The following EWSR1 variants were observed in gnomAD, a reference collection of about 807,000 sequenced individuals.
The protein encoded by EWSR1 is RNA-binding protein EWS.
A neutral mutation model predicts 92.1 loss-of-function variants in EWSR1; 14 were observed. That is an observed-to-expected ratio of 0.15 (90% CI 0.10 to 0.24). The LOEUF (loss-of-function observed/expected upper bound fraction) is 0.24, where lower values mean the gene tolerates loss of function less well. Ranked by LOEUF, EWSR1 falls within the 10% of genes least tolerant of loss-of-function variation. The pLI, the probability that EWSR1 is intolerant of heterozygous loss-of-function variation, is 1.00. For missense variants in EWSR1, 637 were observed against 870.9 expected (o/e 0.73, Z 3.38); for synonymous variants, 303 against 292.9 (o/e 1.03, Z -0.35).
chr22:29,291,477 C>G, intron 8 of EWSR1, 85 bp from the exon 9 acceptor site: 1 of 1,355,346 alleles, frequency 7.4e-7, no homozygotes, highest in Non-Finnish European at 1.0e-6. Context: ...AGCCAGTGCC[C>G]TTCTTCCCCA....
intron 6 of EWSR1, 144 bp downstream of exon 6, chr22:29,282,701 T>A: frequency 1.7e-6 from 1 of 576,724 alleles, no homozygotes; most frequent in Non-Finnish European, 2.8e-6. Flanking sequence ...TTGGTTACAT[T>A]AAAGCCTGAG....
chr22:29,299,781 C>G lies in EWSR1; in HGVS notation c.1861C>G (p.Pro621Ala), dbSNP rs1247538568. 4 of 1,590,772 alleles carry G rather than the reference C, an allele frequency of 2.5e-6. No individual in the cohort carries two copies. Among genetic ancestry groups the G allele is most frequent in the South Asian group, 2.3e-5 (2 of 88,706 alleles). ...GGGRRGGPGG[P>A]PGPLMEQMGG... ...AGGAAGACGAGGTGGCCCTGGGGGG[C>G]CCCCTGGACCTTTGATGGAACAGAT... The change falls in exon 16 of 17, where the codon CCC (proline) becomes GCC (alanine). Residue 621 changes from proline to alanine, a missense_variant. Pro to Ala is a conservative substitution (Grantham distance 27). This residue lies in a region of EWSR1 where 363 missense variants were observed against 447.8 expected (regional missense o/e 0.81). Transcript: ENST00000397938.
At chr22:29,283,378 CAG>C (rs1422478274) in intron 6 of EWSR1, among the ~76,000 whole-genome samples, 2 of 152,068 alleles carry the variant, frequency 1.3e-5, no homozygotes, top group Non-Finnish European at 2.9e-5. Context: ...TTTTTTGAGA[CAG>C]AGTCTCACTC....
chr22:29,268,322 G>C lies in EWSR1; in HGVS notation c.-15G>C, dbSNP rs745403052. The C allele has an allele frequency of 1.9e-6, 3 of 1,613,894 alleles. No homozygotes were observed. Among genetic ancestry groups the C allele is most frequent in the Middle Eastern group, 3.3e-4 (2 of 6,084 alleles). On this transcript the variant is annotated 5_prime_UTR_variant, in exon 1 of 17. Transcript: ENST00000397938. The stretch of plus-strand genomic sequence containing the variant: ...GGGAGACGGACGTTGAGAGAACGAG[G>C]AGGAAGGAGAGAAAATGGCGTCCAC...
intron 8 of EWSR1, chr22:29,291,262 C>T (rs1051603929): frequency 2.0e-5 from 7 of 352,544 alleles, no homozygotes; most frequent in Admixed American, 1.4e-4. Context: ...TTTCACCTGA[C>T]GGGGTGGGTG....
In EWSR1 at chr22:29,300,207, T is replaced by C; in HGVS notation, c.*46T>C. ...TGCATTGACTACCAGATTTATTTTT[T>C]AAACCAGAAAATGTTTTAAATTTAT... On this transcript the variant is annotated 3_prime_UTR_variant, in exon 17 of 17. Coordinates refer to ENST00000397938, the MANE Select transcript of EWSR1 (RefSeq NM_005243.4). 2 of 1,566,662 alleles carry C rather than the reference T, an allele frequency of 1.3e-6. 1 individual carries two copies. Among genetic ancestry groups the C allele is most frequent in the East Asian group, 4.5e-5 (2 of 44,488 alleles).
Position 29,292,484 on chromosome 22 carries a change from A to C in EWSR1, c.1046-4A>C. On this transcript the variant is annotated splice_region_variant and splice_polypyrimidine_tract_variant and intron_variant, in intron 10 of 16. Transcript: ENST00000397938. ...TAATTCTCCTGTCTTGTTGTCTCTG[A>C]AAGGCCCACCTGTAGATCCAGATGA... 1 of 1,601,028 alleles carries C rather than the reference A, an allele frequency of 6.2e-7. No homozygotes were observed. Among genetic ancestry groups the C allele is most frequent in the Admixed American group, 1.7e-5 (1 of 59,922 alleles).
At chr22:29,282,757 T>C (rs1490026029) in intron 6 of EWSR1, among the ~76,000 whole-genome samples, 200 bp downstream of exon 6, 2 of 151,956 alleles carry the variant, frequency 1.3e-5, no homozygotes, top group African/African-American at 4.8e-5. Flanking sequence ...ACTATTCTTT[T>C]TTCTTTTTTT....
rs923040938 is a variant in EWSR1 at position 29,272,568 on chromosome 22, A to C, written c.102+137A>C. On this transcript the variant is annotated intron_variant, in intron 3 of 16. Coordinates refer to ENST00000397938, the MANE Select transcript of EWSR1 (RefSeq NM_005243.4). Reference sequence around the variant, plus strand: ...AAATACCCAGGCATTTTAAACTTTCACAGTGGGAGTGCGAAGGACTCCATT... The same window carrying C: ...AAATACCCAGGCATTTTAAACTTTCCCAGTGGGAGTGCGAAGGACTCCATT... 23 of 858,842 alleles carry C rather than the reference A, an allele frequency of 2.7e-5. No individual in the cohort carries two copies. The African/African-American group carries it at 3.8e-4, about 14-fold the overall frequency. 53.2% of individuals were successfully genotyped at this position (858,842 alleles called of 1,614,324 possible).
In EWSR1 at chr22:29,270,399, G is replaced by A. The variant is rs140271071; in HGVS notation, c.14-1817G>A. Among the ~76,000 whole-genome samples, 21 of 152,302 alleles carry A rather than the reference G, an allele frequency of 1.4e-4. No homozygotes were observed. In the East Asian group the frequency reaches 3.9e-3, roughly 28 times the overall value. On this transcript the variant is annotated intron_variant, in intron 1 of 16. Coordinates refer to ENST00000397938, the MANE Select transcript of EWSR1 (RefSeq NM_005243.4). Reference sequence around the variant, plus strand: ...GGGGTTAAAAACGAACACGGTTGCTGAATAATCTGACCAGTTTGTAATTGT... The same window carrying A: ...GGGGTTAAAAACGAACACGGTTGCTAAATAATCTGACCAGTTTGTAATTGT...
At chr22:29,283,985 C>A (rs2059821578) in intron 6 of EWSR1, among the ~76,000 whole-genome samples, 1 of 151,300 alleles carries the variant, frequency 6.6e-6, no homozygotes, top group Non-Finnish European at 1.5e-5. Flanking sequence ...GATACAGACG[C>A]CACCACAACC....
chr22:29,300,132 C>T lies in EWSR1; in HGVS notation c.1942C>T (p.Arg648Cys), dbSNP rs973667729. The T allele has an allele frequency of 2.5e-6, 4 of 1,604,702 alleles. No individual in the cohort carries two copies. Among genetic ancestry groups the T allele is most frequent in the Non-Finnish European group, 3.4e-6 (4 of 1,178,300 alleles). Residue 648 changes from arginine (R) to cysteine (C), a missense_variant, in exon 17 of 17, where the codon CGT becomes TGT. Coordinates refer to ENST00000397938, the MANE Select transcript of EWSR1 (RefSeq NM_005243.4). ...GPGKMDKGEH[R>C]QERRDRPY ...CTCTTTACCTTGCAGAGGCGAGCAC[C>T]GTCAGGAGCGCAGAGATCGGCCCTA...
At chr22:29,291,371 ACAAG>A (rs1170482418) in intron 8 of EWSR1, 187 bp from the exon 9 acceptor site, 2 of 551,636 alleles carry the variant, frequency 3.6e-6, no homozygotes, top group South Asian at 3.2e-5. Context: ...GTACAATCAG[ACAAG>A]CAAGGTTGTA....
intron 12 of EWSR1, 93 bp from the exon 13 acceptor site, chr22:29,297,734 C>G: frequency 6.6e-7 from 1 of 1,507,540 alleles, no homozygotes; most frequent in South Asian, 1.2e-5. Context: ...ACAGGCAGAC[C>G]TAATGCATCT....
chr22:29,293,130 C>A (rs1165617586), intron 11 of EWSR1, among the ~76,000 whole-genome samples: 2 of 152,164 alleles, frequency 1.3e-5, no homozygotes, highest in Non-Finnish European at 2.9e-5. Flanking sequence ...ACCACAGCCT[C>A]TTGAGGTAGC....
intron 6 of EWSR1, among the ~76,000 whole-genome samples, chr22:29,283,514 A>G (rs568018637): frequency 2.7e-5 from 4 of 150,622 alleles, no homozygotes; most frequent in Admixed American, 6.6e-5. Flanking sequence ...ACACCTGACT[A>G]ACTTTTCTTT....
intron 1 of EWSR1, among the ~76,000 whole-genome samples, 197 bp from the exon 2 acceptor site, chr22:29,272,019 C>A (rs117256454): frequency 4.6e-5 from 7 of 152,136 alleles, no homozygotes; most frequent in African/African-American, 1.7e-4. Context: ...GTCCCACAGT[C>A]AAATGTTGAG....
At chr22:29,298,632 C>T (rs991369218) in intron 13 of EWSR1, 101 bp from the exon 14 acceptor site, 2 of 1,406,050 alleles carry the variant, frequency 1.4e-6, no homozygotes, top group Non-Finnish European at 2.0e-6. Flanking sequence ...GGGGAAATGA[C>T]AGCAGTAGTA....
chr22:29,283,163 G>C (rs1248729097), intron 6 of EWSR1, among the ~76,000 whole-genome samples: 1 of 152,176 alleles, frequency 6.6e-6, no homozygotes. Flanking sequence ...CAGATGGGAA[G>C]CAGAAGTATA....
Sources: gnomAD v4.1 joint callset for allele counts (sites outside exome capture counted in the v4.1 genomes callset) on GRCh38, gnomAD v4.1.1 for gene constraint, gnomAD v4.1.1 regional missense constraint, MANE v1.5 for transcripts, NCBI Gene and HGNC (gene_info 2026-07-23, HGNC 2026-07-21) for gene names.